ZNG1B: variants seen among roughly 807,000 people sequenced by gnomAD.
ZNG1B encodes the protein zinc-regulated GTPase metalloprotein activator 1B.
At chr2:113,440,538 C>T in the ZNG1B span, among the ~76,000 whole-genome samples, 158 of 152,102 alleles carry the variant, frequency 1.0e-3, 1 homozygote, top group Middle Eastern at 0.027. Flanking sequence ...AAATATAAGC[C>T]TTCATCTCTT....
the ZNG1B span, among the ~76,000 whole-genome samples, chr2:113,475,287 T>C: frequency 6.6e-6 from 1 of 151,980 alleles, no homozygotes; most frequent in African/African-American, 2.4e-5. Context: ...TGAAAGTCTG[T>C]TTTATCAGAG....
chr2:113,492,357 T>G, the ZNG1B span, among the ~76,000 whole-genome samples: 4 of 126,886 alleles, frequency 3.2e-5, no homozygotes, highest in African/African-American at 1.1e-4. Context: ...CTGGATAAGA[T>G]TGGAGACTAT....
At chr2:113,477,203 C>A in the ZNG1B span, among the ~76,000 whole-genome samples, 4 of 152,050 alleles carry the variant, frequency 2.6e-5, no homozygotes, top group Non-Finnish European at 4.4e-5. Context: ...GAGCCAGGTG[C>A]GGGATATAAT....
At chr2:113,444,113 C>T in the ZNG1B span, 1 of 443,300 alleles carries the variant, frequency 2.3e-6, no homozygotes, top group African/African-American at 2.0e-5. Flanking sequence ...TATTTAATCT[C>T]TAGTGCATGA....
At chr2:113,446,745 CACACACACACACACGCACAT>C in the ZNG1B span, among the ~76,000 whole-genome samples, 1 of 112,164 alleles carries the variant, frequency 8.9e-6, no homozygotes. Context: ...AGACTGTATA[CACACACACACACACGCACAT>C]GCACACGCAC....
At chr2:113,484,837 ATTT>A in the ZNG1B span, among the ~76,000 whole-genome samples, 2 of 103,704 alleles carry the variant, frequency 1.9e-5, no homozygotes, top group African/African-American at 3.4e-5. Flanking sequence ...TAATTTTTGT[ATTT>A]TTTTTTTTTT....
At chr2:113,446,592 CA>C in the ZNG1B span, among the ~76,000 whole-genome samples, 1 of 150,668 alleles carries the variant, frequency 6.6e-6, no homozygotes, top group African/African-American at 2.5e-5. Flanking sequence ...ACTGAAAATT[CA>C]AAAACTAGCC....
the ZNG1B span, among the ~76,000 whole-genome samples, chr2:113,477,829 T>C: frequency 7.9e-5 from 12 of 152,336 alleles, no homozygotes; most frequent in East Asian, 1.7e-3. Flanking sequence ...CATTTCCCTG[T>C]CTTCATAGCC....
chr2:113,496,005 G>A, the ZNG1B span: 1 of 287,886 alleles, frequency 3.5e-6, no homozygotes. Context: ...TACATATACT[G>A]AACATGAAAG....
At chr2:113,494,803 T>G in the ZNG1B span, 2 of 634,228 alleles carry the variant, frequency 3.2e-6, no homozygotes, top group Non-Finnish European at 4.0e-6. Context: ...ATATGATACA[T>G]ATTTCATCAT....
At chr2:113,487,075 G>T in the ZNG1B span, among the ~76,000 whole-genome samples, 2 of 151,748 alleles carry the variant, frequency 1.3e-5, no homozygotes, top group South Asian at 4.2e-4. Context: ...TTAAAAATAA[G>T]TATAGTCATG....
At chr2:113,472,489 A>G in the ZNG1B span, among the ~76,000 whole-genome samples, 5 of 151,874 alleles carry the variant, frequency 3.3e-5, no homozygotes, top group South Asian at 2.1e-4. Flanking sequence ...GTTTAGTTTA[A>G]TTAGATCCCA....
At chr2:113,462,855 C>T in the ZNG1B span, 1 of 357,858 alleles carries the variant, frequency 2.8e-6, no homozygotes, top group Non-Finnish European at 5.0e-6. Flanking sequence ...TGTCTTTACT[C>T]ATAATGTATT....
At chr2:113,456,276 G>A in the ZNG1B span, among the ~76,000 whole-genome samples, 1 of 152,134 alleles carries the variant, frequency 6.6e-6, no homozygotes, top group Admixed American at 6.6e-5. Flanking sequence ...GTTTCACGCA[G>A]AAAAATTCCA....
At chr2:113,478,980 T>C in the ZNG1B span, among the ~76,000 whole-genome samples, 1 of 152,044 alleles carries the variant, frequency 6.6e-6, no homozygotes, top group East Asian at 1.9e-4. Context: ...CACCTGTAGC[T>C]TCTGGTATTG....
chr2:113,444,805 T>C, the ZNG1B span, among the ~76,000 whole-genome samples: 5 of 152,182 alleles, frequency 3.3e-5, no homozygotes, highest in Non-Finnish European at 7.4e-5. Context: ...CTGGTAAATA[T>C]GGGACGGACA....
chr2:113,460,597 A>T, the ZNG1B span: 1 of 1,437,294 alleles, frequency 7.0e-7, no homozygotes, highest in Admixed American at 1.8e-5. Context: ...AAATGTCTCT[A>T]AAGTAAAATC....
the ZNG1B span, among the ~76,000 whole-genome samples, chr2:113,487,116 A>G: frequency 3.3e-4 from 50 of 152,218 alleles, no homozygotes; most frequent in African/African-American, 1.2e-3. Flanking sequence ...GTCAGACTGC[A>G]TAAGATTACG....
chr2:113,443,214 C>T, the ZNG1B span, among the ~76,000 whole-genome samples: 5 of 152,072 alleles, frequency 3.3e-5, no homozygotes, highest in Non-Finnish European at 5.9e-5. Flanking sequence ...GTGATCCGCC[C>T]GCCTTGGCCT....
Sources: allele counts gnomAD v4.1 joint callset (sites outside exome capture counted in the v4.1 genomes callset), GRCh38; gene constraint gnomAD v4.1.1; transcripts MANE v1.5; gene names NCBI Gene and HGNC (gene_info 2026-07-23, HGNC 2026-07-21).